The following SHC4 variants were observed in gnomAD, a reference collection of about 807,000 sequenced individuals.
SHC4 encodes SHC-transforming protein 4.
In SHC4, 41 loss-of-function variants were observed where a neutral mutation model predicts 69.4. The ratio of observed to expected loss-of-function variants is 0.59; its 90% CI spans 0.46 to 0.77. SHC4 has a LOEUF of 0.77. Ranked by LOEUF, SHC4 falls within the 30% of genes least tolerant of loss-of-function variation. The probability of loss-of-function intolerance (pLI) is 0.00; values close to 1 mark genes in which losing one functional copy is unlikely to be tolerated. For missense variants in SHC4, 777 were observed against 783.8 expected (o/e 0.99, Z 0.10); for synonymous variants, 318 against 299.3 (o/e 1.06, Z -0.64).
At chr15:48,857,864 A>G in intron 6 of SHC4, 49 bp from the exon 7 acceptor site, 1 of 1,411,224 alleles carries the variant, frequency 7.1e-7, no homozygotes, top group Non-Finnish European at 9.3e-7. Flanking sequence ...TTTTAGAAAG[A>G]GAAGATTACA....
At chr15:48,826,457 C>G (rs1412317612) in intron 11 of SHC4, among the ~76,000 whole-genome samples, 7 of 151,986 alleles carry the variant, frequency 4.6e-5, no homozygotes, top group Non-Finnish European at 1.0e-4. Context: ...CCGTGTTGCC[C>G]AGGCTAGTCT....
chr15:48,829,354 T>C (rs1898752543), intron 11 of SHC4, among the ~76,000 whole-genome samples: 1 of 152,182 alleles, frequency 6.6e-6, no homozygotes, highest in South Asian at 2.1e-4. Context: ...CTATTATTGT[T>C]TTGCTGTCTA....
intron 9 of SHC4, among the ~76,000 whole-genome samples, chr15:48,848,264 C>T (rs1211642781): frequency 1.3e-5 from 2 of 152,064 alleles, no homozygotes; most frequent in Non-Finnish European, 2.9e-5. Context: ...TGGTTCCTCA[C>T]CGGAACTCAG....
At position 48,837,874 on chromosome 15, in the gene SHC4, C is replaced by G. The variant is rs574584410; in HGVS notation, c.1484-2852G>C. On this transcript the variant is annotated intron_variant, in intron 10 of 11. Transcript: ENST00000332408. Reference sequence around the variant, plus strand: ...TTAAGGAAGAGAAAAAAATCTAACACGCAAAATCTGGATTAAATAATTGAA... The same window carrying G: ...TTAAGGAAGAGAAAAAAATCTAACAGGCAAAATCTGGATTAAATAATTGAA... Among the ~76,000 whole-genome samples the G allele has an allele frequency of 7.2e-5, 11 of 152,114 alleles. No homozygotes were observed. The South Asian group carries it at 1.7e-3, about 23-fold the overall frequency.
chr15:48,921,580 C>G (rs1338629050), intron 2 of SHC4, among the ~76,000 whole-genome samples: 1 of 152,224 alleles, frequency 6.6e-6, no homozygotes, highest in Non-Finnish European at 1.5e-5. Flanking sequence ...AGTGATCCAT[C>G]TGCCTCAGCC....
At chr15:48,950,068 C>G (rs1279141866) in intron 1 of SHC4, among the ~76,000 whole-genome samples, 1 of 134,342 alleles carries the variant, frequency 7.4e-6, no homozygotes, top group Non-Finnish European at 1.6e-5. Context: ...TATTAACATA[C>G]AATAAACATA....
Position 48,825,054 on chromosome 15 carries a change from TCTG to T in SHC4, c.*914_*916del, listed in dbSNP as rs1196571118. The T allele has an allele frequency of 6.6e-6, 1 of 152,640 alleles. No individual in the cohort carries two copies. The highest frequency in any genetic ancestry group is 1.5e-5 in the Non-Finnish European group (1 of 68,046). 9.5% of individuals were successfully genotyped at this position (152,640 alleles called of 1,614,324 possible). On this transcript the variant is annotated 3_prime_UTR_variant, in exon 12 of 12. Transcript: ENST00000332408. ...AATTTTACTATAATTTCAAATAGATTCTGTACTTTTACTAAGAATGAAACCAAT... is the reference window on the plus strand; with the variant it reads ...AATTTTACTATAATTTCAAATAGATTTACTTTTACTAAGAATGAAACCAAT...
chr15:48,916,300 CACACACACA>C (rs1476067296), intron 2 of SHC4, among the ~76,000 whole-genome samples: 6 of 151,708 alleles, frequency 4.0e-5, no homozygotes, highest in African/African-American at 1.2e-4. Flanking sequence ...CACACACACA[CACACACACA>C]CACACACACC....
intron 3 of SHC4, among the ~76,000 whole-genome samples, chr15:48,885,716 G>A (rs926590662): frequency 6.6e-6 from 1 of 152,178 alleles, no homozygotes; most frequent in Non-Finnish European, 1.5e-5. Flanking sequence ...GAAATTTAAT[G>A]TACAGTTTTA....
rs534357426 is a variant in SHC4 at position 48,865,258 on chromosome 15, G to C, written c.946+2560C>G. 3.4e-4 allele frequency among the ~76,000 whole-genome samples: 52 copies of C among 152,260 alleles called. 1 individual carries two copies. In the South Asian group the frequency reaches 0.011, roughly 31 times the overall value. On this transcript the variant is annotated intron_variant, in intron 6 of 11. Transcript: ENST00000332408. Reference sequence around the variant, plus strand: ...CACTGTCAGTCCAAGGGCTCAGGTCGGGGGAAAAGATTTAGCACTAGAGGA... The same window carrying C: ...CACTGTCAGTCCAAGGGCTCAGGTCCGGGGAAAAGATTTAGCACTAGAGGA...
intron 11 of SHC4, among the ~76,000 whole-genome samples, chr15:48,828,405 T>C (rs1898730482): frequency 6.6e-6 from 1 of 152,224 alleles, no homozygotes; most frequent in Non-Finnish European, 1.5e-5. Flanking sequence ...CCATTTATTG[T>C]TTAGTGGATC....
chr15:48,949,097 C>T (rs1020842447), intron 1 of SHC4, among the ~76,000 whole-genome samples: 1 of 152,084 alleles, frequency 6.6e-6, no homozygotes, highest in Non-Finnish European at 1.5e-5. Flanking sequence ...GCTGGCCAGG[C>T]GCGGTGGCTC....
Position 48,826,141 on chromosome 15 carries a change from A to G in SHC4, c.1738-15T>C, listed in dbSNP as rs370370329. 108 of 1,600,610 alleles carry G rather than the reference A, an allele frequency of 6.7e-5. No individual in the cohort carries two copies. The highest frequency in any genetic ancestry group is 8.8e-5 in the Non-Finnish European group (104 of 1,175,804). ...TTGGTCCTCACCTTGAAAAAGAAGT[A>G]CAAATATATTTAGGTTAAATTATAG... On this transcript the variant is annotated splice_polypyrimidine_tract_variant and intron_variant, in intron 11 of 11. Transcript: ENST00000332408.
At chr15:48,866,144 G>T (rs1345209568) in intron 6 of SHC4, among the ~76,000 whole-genome samples, 2 of 152,068 alleles carry the variant, frequency 1.3e-5, no homozygotes, top group Admixed American at 6.5e-5. Flanking sequence ...TTGTTCAGAG[G>T]CCTTCCCAGA....
At chr15:48,870,367 C>T (rs906266425) in intron 5 of SHC4, among the ~76,000 whole-genome samples, 2 of 152,152 alleles carry the variant, frequency 1.3e-5, no homozygotes, top group Non-Finnish European at 2.9e-5. Context: ...TTGTATGTCC[C>T]TTGTTTGCTA....
chr15:48,883,124 TTATAA>T (rs1484100179), intron 4 of SHC4, among the ~76,000 whole-genome samples: 1 of 152,218 alleles, frequency 6.6e-6, no homozygotes, highest in Non-Finnish European at 1.5e-5. Flanking sequence ...TTTTATAATC[TTATAA>T]TATGCACTTC....
At chr15:48,911,043 G>T (rs1224510752) in intron 2 of SHC4, among the ~76,000 whole-genome samples, 1 of 152,164 alleles carries the variant, frequency 6.6e-6, no homozygotes, top group East Asian at 1.9e-4. Context: ...GTATTCTGCA[G>T]TTGCTGCATG....
chr15:48,896,351 C>T (rs1846331954), intron 2 of SHC4, among the ~76,000 whole-genome samples: 1 of 144,694 alleles, frequency 6.9e-6, no homozygotes, highest in Admixed American at 7.1e-5. Flanking sequence ...GACGGAGTCT[C>T]ACTCTGTCGG....
chr15:48,957,030 T>C (rs1231330316), intron 1 of SHC4, among the ~76,000 whole-genome samples: 2 of 145,682 alleles, frequency 1.4e-5, no homozygotes, highest in African/African-American at 5.2e-5. Flanking sequence ...CAGGCTGCAG[T>C]GTAGTGGCAT....
Sources: gnomAD v4.1 joint callset for allele counts (sites outside exome capture counted in the v4.1 genomes callset) on GRCh38, gnomAD v4.1.1 for gene constraint, MANE v1.5 for transcripts, NCBI Gene and HGNC (gene_info 2026-07-23, HGNC 2026-07-21) for gene names.